Variants in CFAP61 observed in about 807,000 individuals in gnomAD.
CFAP61 encodes cilia- and flagella-associated protein 61.
CFAP61 carries 107 observed loss-of-function variants against 135.6 expected under a neutral mutation model. The observed-to-expected ratio is 0.79, with a 90% CI of 0.67 to 0.93. The LOEUF is 0.93. CFAP61 is among the 40% of genes least tolerant of loss of function. The pLI, the probability that CFAP61 is intolerant of heterozygous loss-of-function variation, is 0.00. For missense variants in CFAP61, 1,507 were observed against 1,556.2 expected (o/e 0.97, Z 0.53); for synonymous variants, 575 against 578.5 (o/e 0.99, Z 0.09).
chr20:20,238,683 A>G (rs984304247), intron 18 of CFAP61, among the ~76,000 whole-genome samples: 12 of 152,206 alleles, frequency 7.9e-5, no homozygotes, highest in African/African-American at 2.7e-4. Flanking sequence ...TTCTTTTATC[A>G]TGTTCACAAT....
intron 26 of CFAP61, among the ~76,000 whole-genome samples, chr20:20,345,108 C>T (rs967001017): frequency 6.6e-6 from 1 of 151,548 alleles, no homozygotes. Flanking sequence ...TGAAGGGTGG[C>T]AAGAAGTGGG....
intron 2 of CFAP61, among the ~76,000 whole-genome samples, chr20:20,059,766 A>T (rs1316359823): frequency 6.6e-6 from 1 of 152,230 alleles, no homozygotes; most frequent in Admixed American, 6.5e-5. Flanking sequence ...ACAGTTGAAG[A>T]CAGAAGTAAT....
intron 16 of CFAP61, 95 bp downstream of exon 16, chr20:20,196,871 G>A (rs539620466): frequency 1.8e-6 from 2 of 1,084,768 alleles, no homozygotes; most frequent in Admixed American, 1.9e-5. Flanking sequence ...CTCATGATGG[G>A]TTTTGATGAT....
At chr20:20,066,681 G>A (rs1252973680) in intron 2 of CFAP61, among the ~76,000 whole-genome samples, 1 of 152,146 alleles carries the variant, frequency 6.6e-6, no homozygotes, top group Non-Finnish European at 1.5e-5. Flanking sequence ...CTGTCGGGGT[G>A]GGGGCTAGGG....
intron 25 of CFAP61, among the ~76,000 whole-genome samples, chr20:20,320,104 A>G (rs2057365239): frequency 6.6e-6 from 1 of 151,650 alleles, no homozygotes; most frequent in Non-Finnish European, 1.5e-5. Context: ...CCCTCAACAA[A>G]TAAATTGCAA....
intron 7 of CFAP61, among the ~76,000 whole-genome samples, chr20:20,097,916 G>T (rs773503792): frequency 6.6e-6 from 1 of 152,178 alleles, no homozygotes; most frequent in African/African-American, 2.4e-5. Context: ...TGTACTGGGG[G>T]CTGATCAGAT....
chr20:20,111,202 A>G (rs542465298), intron 8 of CFAP61, among the ~76,000 whole-genome samples: 1 of 152,340 alleles, frequency 6.6e-6, no homozygotes, highest in Non-Finnish European at 1.5e-5. Context: ...TTGATTATTT[A>G]TATGAATACT....
intron 20 of CFAP61, among the ~76,000 whole-genome samples, chr20:20,256,767 A>T (rs184692168): frequency 6.6e-6 from 1 of 152,232 alleles, no homozygotes; most frequent in South Asian, 2.1e-4. Context: ...ATAATTGAAG[A>T]TATTCTAGAA....
intron 9 of CFAP61, among the ~76,000 whole-genome samples, chr20:20,144,666 A>G (rs1170217836): frequency 2.0e-5 from 3 of 152,256 alleles, no homozygotes; most frequent in African/African-American, 4.8e-5. Flanking sequence ...GATGAAAACA[A>G]TATACTCACA....
chr20:20,237,720 C>T (rs1164588546), intron 18 of CFAP61, among the ~76,000 whole-genome samples: 3 of 152,156 alleles, frequency 2.0e-5, no homozygotes, highest in African/African-American at 7.2e-5. Context: ...GCTCAGTTTT[C>T]CCAGTGGTCT....
chr20:20,186,054 T>A (rs1395402617), intron 13 of CFAP61, among the ~76,000 whole-genome samples: 1 of 152,334 alleles, frequency 6.6e-6, no homozygotes, highest in Non-Finnish European at 1.5e-5. Context: ...TTTGTCCACT[T>A]CAAGTGTACA....
chr20:20,190,709 A>C (rs772172677), intron 14 of CFAP61, among the ~76,000 whole-genome samples: 3 of 152,148 alleles, frequency 2.0e-5, no homozygotes, highest in Non-Finnish European at 4.4e-5. Context: ...TTTCTGTTTT[A>C]TTTCTTACAC....
chr20:20,107,544 G>T (rs1382181558), intron 8 of CFAP61: 1 of 152,140 alleles, frequency 6.6e-6, no homozygotes, highest in Admixed American at 6.5e-5. Context: ...TTAGCATACA[G>T]TAGTGGAGAT....
At position 20,277,453 on chromosome 20, in the gene CFAP61, T is replaced by G; in HGVS notation, c.2791T>G (p.Cys931Gly). 1 of 1,606,250 alleles carries G rather than the reference T, an allele frequency of 6.2e-7. No homozygotes were observed. Among genetic ancestry groups the G allele is most frequent in the Non-Finnish European group, 8.5e-7 (1 of 1,174,750 alleles). The change falls in exon 22 of 27, where the codon TGC becomes GGC. Residue 931 changes from cysteine to glycine, a missense_variant. By Grantham distance (159) the Cys-to-Gly change is radical. Coordinates refer to ENST00000245957, the MANE Select transcript of CFAP61 (RefSeq NM_015585.4). ...ACCCACCAAGCCTTTCAGACTCCAG[T>G]GCTCTGTAAGTGGGTCCCTGCAAAC... is the stretch of plus-strand genomic sequence containing the variant. ...TTPTKPFRLQ[C>G]SMFFSFCEKN...
At chr20:20,145,556 T>C (rs2051809747) in intron 9 of CFAP61, among the ~76,000 whole-genome samples, 1 of 152,182 alleles carries the variant, frequency 6.6e-6, no homozygotes, top group African/African-American at 2.4e-5. Context: ...ACGTTCCAAA[T>C]GTCCCGATTA....
chr20:20,268,437 A>G (rs1051666480), intron 21 of CFAP61, among the ~76,000 whole-genome samples: 1 of 152,222 alleles, frequency 6.6e-6, no homozygotes, highest in African/African-American at 2.4e-5. Flanking sequence ...TACCCATTGC[A>G]GACGCACACA....
intron 25 of CFAP61, chr20:20,322,918 C>T (rs1483789875): frequency 3.0e-6 from 3 of 985,286 alleles, no homozygotes; most frequent in Non-Finnish European, 1.2e-6. Context: ...ACTTAAGTAG[C>T]TTATTTATTG....
intron 25 of CFAP61, among the ~76,000 whole-genome samples, chr20:20,306,292 GTT>G (rs1468742073): frequency 6.6e-6 from 1 of 152,202 alleles, no homozygotes; most frequent in Admixed American, 6.5e-5. Context: ...AACACATGGA[GTT>G]CTGCAAGAAG....
intron 18 of CFAP61, among the ~76,000 whole-genome samples, chr20:20,233,637 A>G (rs2049339389): frequency 6.6e-6 from 1 of 152,198 alleles, no homozygotes; most frequent in Non-Finnish European, 1.5e-5. Context: ...GCAAGAGTTG[A>G]CATTCTGCCA....
Sources: gnomAD v4.1 joint callset for allele counts (sites outside exome capture counted in the v4.1 genomes callset) on GRCh38, gnomAD v4.1.1 for gene constraint, MANE v1.5 for transcripts, NCBI Gene and HGNC (gene_info 2026-07-23, HGNC 2026-07-21) for gene names.